Variants in BRIP1 observed in about 807,000 individuals in gnomAD.
The protein encoded by BRIP1 is BRCA1 interacting DNA helicase 1.
BRIP1 carries 88 observed loss-of-function variants against 119.7 expected under a neutral mutation model. That is an observed-to-expected ratio of 0.74 (90% CI 0.62 to 0.88). The LOEUF is 0.88. BRIP1 is among the 40% of genes least tolerant of loss of function. The pLI is 0.00. For missense variants in BRIP1, 1,259 were observed against 1,455.4 expected, an observed-to-expected ratio of 0.87 and a Z score of 2.20; for synonymous variants, 443 against 496.5, an observed-to-expected ratio of 0.89 and a Z score of 1.43.
rs1399393312 is a variant in BRIP1 at position 61,796,753 on chromosome 17, G to T, written c.1340+2347C>A. ...AAGCTAGAATTGATTACTGGAGAAA[G>T]ATGAGTGAAAGTAGAGACCTGTTAG... On this transcript the variant is annotated intron_variant, in intron 9 of 19. Coordinates refer to ENST00000259008, the MANE Select transcript of BRIP1 (RefSeq NM_032043.3). This position sits in a 1 kb window ranked among gnomAD's most constrained non-coding sequence, Gnocchi z 4.8. Among the ~76,000 whole-genome samples, 1 of 152,058 alleles carries T rather than the reference G, an allele frequency of 6.6e-6. No homozygotes were observed. Among genetic ancestry groups the T allele is most frequent in the Non-Finnish European group, 1.5e-5 (1 of 67,964 alleles).
rs2077016503 is a variant in BRIP1, at chr17:61,743,628, C to T, written c.2258-494G>A. Among the ~76,000 whole-genome samples the T allele has an allele frequency of 6.6e-6, 1 of 152,122 alleles. No homozygotes were observed. Among genetic ancestry groups the T allele is most frequent in the Non-Finnish European group, 1.5e-5 (1 of 68,024 alleles). ...AAGATACTGATATGTTATATTACCTCTTTCTTGCATTGTTCATAAACTACT... is the reference window on the plus strand; with the variant it reads ...AAGATACTGATATGTTATATTACCTTTTTCTTGCATTGTTCATAAACTACT... On this transcript the variant is annotated intron_variant, in intron 15 of 19. Transcript: ENST00000259008. The surrounding 1 kb of genome is among the most constrained non-coding windows in gnomAD (Gnocchi z 4.3).
Position 61,831,403 on chromosome 17 carries a change from T to G in BRIP1, c.627+15698A>C, listed in dbSNP as rs2078490490. On this transcript the variant is annotated intron_variant, in intron 6 of 19. Transcript: ENST00000259008. The surrounding 1 kb of genome is among the most constrained non-coding windows in gnomAD (Gnocchi z 4.1). ...ATAAGTGATATAACAAGTTGCAGGT[T>G]ACAGGGTAAATATACAAAAATGAAT... is the stretch of plus-strand genomic sequence containing the variant. Among the ~76,000 whole-genome samples the G allele has an allele frequency of 6.6e-6, 1 of 152,226 alleles. No homozygotes were observed.
At chr17:61,737,880 C>A (rs1049061571) in intron 16 of BRIP1, among the ~76,000 whole-genome samples, 1 of 152,136 alleles carries the variant, frequency 6.6e-6, no homozygotes, top group African/African-American at 2.4e-5. Flanking sequence ...TTGCCATGTG[C>A]GGTAGAAATT....
Position 61,769,917 on chromosome 17 carries a change from C to T in BRIP1, c.2097+6484G>A, listed in dbSNP as rs963151228. 6.6e-6 allele frequency among the ~76,000 whole-genome samples: 1 copy of T among 152,100 alleles called. No homozygotes were observed. The highest frequency in any genetic ancestry group is 1.5e-5 in the Non-Finnish European group (1 of 68,012). ...TAGGGGCTGCAGTCTTGCCAGGGGG[C>T]CCACAATTTTTAAGACATTACCTCT... On this transcript the variant is annotated intron_variant, in intron 14 of 19. Transcript: ENST00000259008. This position sits in a 1 kb window ranked among gnomAD's most constrained non-coding sequence, Gnocchi z 4.9.
At position 61,832,511 on chromosome 17, in the gene BRIP1, G is replaced by A. The variant is rs560651793; in HGVS notation, c.627+14590C>T. ...CATTAATGAGAAAAAATGAAACTGC[G>A]TGCCACCTTATAAGATGCAATGAGC... On this transcript the variant is annotated intron_variant, in intron 6 of 19. Transcript: ENST00000259008. The surrounding 1 kb of genome is among the most constrained non-coding windows in gnomAD (Gnocchi z 5.5). 2.0e-5 allele frequency among the ~76,000 whole-genome samples: 3 copies of A among 152,230 alleles called. No individual in the cohort carries two copies. The highest frequency in any genetic ancestry group is 2.1e-4 in the South Asian group (1 of 4,828).
In BRIP1 at chr17:61,860,105, A is replaced by G. The variant is rs1178405121; in HGVS notation, c.94-198T>C. ...CTCCCTAAGATTATCTTACTAAAAT[A>G]TCAAGCACAAGAGAAGAAATGAAAA... On this transcript the variant is annotated intron_variant, in intron 2 of 19. Transcript: ENST00000259008. The surrounding 1 kb of genome is among the most constrained non-coding windows in gnomAD (Gnocchi z 4.1). Among the ~76,000 whole-genome samples, 1 of 152,226 alleles carries G rather than the reference A, an allele frequency of 6.6e-6. No homozygotes were observed. The highest frequency in any genetic ancestry group is 2.4e-5 in the African/African-American group (1 of 41,458).
rs34653679 is a variant in BRIP1, at chr17:61,762,150, G to GA, written c.2097+14250dup. ...CAAAGGTGCCAAGTATACACAATGG[G>GA]AAAAAAAGACTCTCTAAAAATGGTG... is the stretch of plus-strand genomic sequence containing the variant. On this transcript the variant is annotated intron_variant, in intron 14 of 19. Coordinates refer to ENST00000259008, the MANE Select transcript of BRIP1 (RefSeq NM_032043.3). The surrounding 1 kb of genome is among the most constrained non-coding windows in gnomAD (Gnocchi z 4.3). Among the ~76,000 whole-genome samples, 1 of 151,546 alleles carries GA rather than the reference G, an allele frequency of 6.6e-6. No individual in the cohort carries two copies. The highest frequency in any genetic ancestry group is 1.5e-5 in the Non-Finnish European group (1 of 67,844).
At position 61,815,777 on chromosome 17, in the gene BRIP1, T is replaced by G. The variant is rs2078227589; in HGVS notation, c.628-7020A>C. On this transcript the variant is annotated intron_variant, in intron 6 of 19. Transcript: ENST00000259008. This position sits in a 1 kb window ranked among gnomAD's most constrained non-coding sequence, Gnocchi z 4.1. Reference sequence around the variant, plus strand: ...AAGCAAAAAAGCAAAACACTGCCCTTTATTTCAAAAAGTCATGCATATGAA... The same window carrying G: ...AAGCAAAAAAGCAAAACACTGCCCTGTATTTCAAAAAGTCATGCATATGAA... Among the ~76,000 whole-genome samples the G allele has an allele frequency of 6.6e-6, 1 of 152,148 alleles. No individual in the cohort carries two copies. The highest frequency in any genetic ancestry group is 2.1e-4 in the South Asian group (1 of 4,832).
At position 61,796,688 on chromosome 17, in the gene BRIP1, ACTAT is replaced by A. The variant is rs373896911; in HGVS notation, c.1340+2408_1340+2411del. Reference sequence around the variant, plus strand: ...ATACAGAGTTTTAAATAAAAGACAGACTATCTATTTTACATGTTTAAAAAATGAT... The same window carrying A: ...ATACAGAGTTTTAAATAAAAGACAGACTATTTTACATGTTTAAAAAATGAT... On this transcript the variant is annotated intron_variant, in intron 9 of 19. Transcript: ENST00000259008. This position sits in a 1 kb window ranked among gnomAD's most constrained non-coding sequence, Gnocchi z 4.8. Among the ~76,000 whole-genome samples the A allele has an allele frequency of 3.5e-3, 529 of 152,132 alleles. 1 individual carries two copies. Among genetic ancestry groups the A allele is most frequent in the African/African-American group, 0.012 (492 of 41,540 alleles).
chr17:61,692,532 C>A (rs2061462938), intron 18 of BRIP1, among the ~76,000 whole-genome samples: 1 of 151,810 alleles, frequency 6.6e-6, no homozygotes, highest in Non-Finnish European at 1.5e-5. Flanking sequence ...CCAAATAACC[C>A]AATTAAAAAA....
chr17:61,815,571 C>A lies in BRIP1; in HGVS notation c.628-6814G>T, dbSNP rs1014821289. 6.6e-6 allele frequency among the ~76,000 whole-genome samples: 1 copy of A among 152,154 alleles called. No homozygotes were observed. Among genetic ancestry groups the A allele is most frequent in the Non-Finnish European group, 1.5e-5 (1 of 68,012 alleles). Reference sequence around the variant, plus strand: ...ATGTTTGTTAATTACCTAATATTAACATAAGGCTAAAATACTCAGTTCACT... The same window carrying A: ...ATGTTTGTTAATTACCTAATATTAAAATAAGGCTAAAATACTCAGTTCACT... On this transcript the variant is annotated intron_variant, in intron 6 of 19. Transcript: ENST00000259008. This position sits in a 1 kb window ranked among gnomAD's most constrained non-coding sequence, Gnocchi z 4.1.
In BRIP1 at chr17:61,851,341, T is replaced by C. The variant is rs182448201; in HGVS notation, c.380-2085A>G. Among the ~76,000 whole-genome samples, 121 of 152,370 alleles carry C rather than the reference T, an allele frequency of 7.9e-4. No homozygotes were observed. The highest frequency in any genetic ancestry group is 2.9e-3 in the African/African-American group (120 of 41,580). On this transcript the variant is annotated intron_variant, in intron 4 of 19. Coordinates refer to ENST00000259008, the MANE Select transcript of BRIP1 (RefSeq NM_032043.3). The surrounding 1 kb of genome is among the most constrained non-coding windows in gnomAD (Gnocchi z 4.6). ...CTTATGAGTCATGTTTCTTTCTTTA[T>C]AAGGTTCTTAGAAACACAGTTTGAA...
At chr17:61,835,367 G>A (rs1446596740) in intron 6 of BRIP1, among the ~76,000 whole-genome samples, 1 of 151,930 alleles carries the variant, frequency 6.6e-6, no homozygotes, top group Non-Finnish European at 1.5e-5. Context: ...AATAAATACT[G>A]GTTTGGGGAA....
rs1236688088 is a variant in BRIP1, at chr17:61,823,624, C to T, written c.628-14867G>A. On this transcript the variant is annotated intron_variant, in intron 6 of 19. Transcript: ENST00000259008. The surrounding 1 kb of genome is among the most constrained non-coding windows in gnomAD (Gnocchi z 4.8). Reference sequence around the variant, plus strand: ...GTATAATATCAAGCTGTCTAATATACACATAATTGAAGTCTGAAAGGAAAA... The same window carrying T: ...GTATAATATCAAGCTGTCTAATATATACATAATTGAAGTCTGAAAGGAAAA... Among the ~76,000 whole-genome samples the T allele has an allele frequency of 6.6e-6, 1 of 151,942 alleles. No individual in the cohort carries two copies. The highest frequency in any genetic ancestry group is 1.5e-5 in the Non-Finnish European group (1 of 67,986).
intron 13 of BRIP1, among the ~76,000 whole-genome samples, chr17:61,777,973 C>A (rs1033791642): frequency 6.6e-6 from 1 of 152,094 alleles, no homozygotes; most frequent in African/African-American, 2.4e-5. Context: ...ACCTAGGAGC[C>A]CCCTACCATT....
chr17:61,721,318 G>GGA (rs1195053362), intron 16 of BRIP1, among the ~76,000 whole-genome samples: 5 of 139,026 alleles, frequency 3.6e-5, no homozygotes, highest in African/African-American at 1.3e-4. Flanking sequence ...TCACCAGGCC[G>GGA]GAGTGCAGTG....
At chr17:61,820,892 G>A (rs1292054046) in intron 6 of BRIP1, among the ~76,000 whole-genome samples, 1 of 151,762 alleles carries the variant, frequency 6.6e-6, no homozygotes, top group Non-Finnish European at 1.5e-5. Context: ...GGAGGTTGCA[G>A]TGGGCTGAGA....
At position 61,687,606 on chromosome 17, in the gene BRIP1, T is replaced by C. The variant is rs2061380762; in HGVS notation, c.2576-1441A>G. On this transcript the variant is annotated intron_variant, in intron 18 of 19. Coordinates refer to ENST00000259008, the MANE Select transcript of BRIP1 (RefSeq NM_032043.3). This position sits in a 1 kb window ranked among gnomAD's most constrained non-coding sequence, Gnocchi z 5.1. ...AACAAAATTTAACATCTCTTTATTA[T>C]AATAAAATGTATTTTTTTTTTAGCT... Among the ~76,000 whole-genome samples the C allele has an allele frequency of 6.6e-6, 1 of 152,182 alleles. No individual in the cohort carries two copies. Among genetic ancestry groups the C allele is most frequent in the African/African-American group, 2.4e-5 (1 of 41,446 alleles).
intron 16 of BRIP1, among the ~76,000 whole-genome samples, chr17:61,727,584 T>G (rs1219704540): frequency 1.3e-5 from 2 of 151,826 alleles, no homozygotes; most frequent in Non-Finnish European, 2.9e-5. Context: ...CAGGGCAACA[T>G]AGCAAGACCC....
Sources: gnomAD v4.1 joint callset for allele counts (sites outside exome capture counted in the v4.1 genomes callset) on GRCh38, gnomAD v4.1.1 for gene constraint, Gnocchi (gnomAD v3.1) non-coding constraint, MANE v1.5 for transcripts, NCBI Gene and HGNC (gene_info 2026-07-23, HGNC 2026-07-21) for gene names.